The following SNAPC4 variants were observed in gnomAD, a reference collection of about 807,000 sequenced individuals.
The protein encoded by SNAPC4 is small nuclear RNA activating complex polypeptide 4.
A neutral mutation model predicts 151.3 loss-of-function variants in SNAPC4; 127 were observed. The observed-to-expected ratio is 0.84, with a 90% CI of 0.73 to 0.97. The LOEUF is 0.97. Among genes scored for constraint, SNAPC4 ranks in the 50% least tolerant of loss-of-function variants. The pLI is 0.00. For synonymous variants in SNAPC4, 1,002 were observed against 824.4 expected (o/e 1.22, Z -3.69); for missense variants, 2,186 against 1,935.0 (o/e 1.13, Z -2.43).
At chr9:136,390,164 C>T (rs1407584966) in intron 10 of SNAPC4, among the ~76,000 whole-genome samples, 2 of 152,178 alleles carry the variant, frequency 1.3e-5, no homozygotes, top group African/African-American at 4.8e-5. Context: ...CACCCTCCCA[C>T]AAAGCCAGAG....
Position 136,383,452 on chromosome 9 carries a change from C to G in SNAPC4, c.1717G>C (p.Val573Leu), listed in dbSNP as rs1247498292. Reference protein sequence around the residue: ...QYMVPDMDLWVPARQSTSQPW... With the variant: ...QYMVPDMDLWLPARQSTSQPW... ...TGGCTGGTGCTCTGCCTGGCAGGAA[C>G]CCACAGGTCCATGTCCGGGACCATG... is the stretch of plus-strand genomic sequence containing the variant. The change falls in exon 16 of 24, where the codon GTT becomes CTT. Residue 573 changes from valine (V) to leucine (L), a missense_variant. Physicochemically the swap from Val to Leu is conservative, Grantham distance 32. Coordinates refer to ENST00000684778, the MANE Select transcript of SNAPC4 (RefSeq NM_003086.4). The surrounding 1 kb of genome is among the most constrained non-coding windows in gnomAD (Gnocchi z 4.2). The G allele has an allele frequency of 6.4e-7, 1 of 1,561,944 alleles. No homozygotes were observed. The highest frequency in any genetic ancestry group is 8.7e-7 in the Non-Finnish European group (1 of 1,153,326).
intron 9 of SNAPC4, 43 bp downstream of exon 9, chr9:136,392,479 T>A (rs773948981): frequency 1.9e-6 from 3 of 1,574,170 alleles, no homozygotes; most frequent in African/African-American, 2.7e-5. Context: ...TACAGGGAGC[T>A]GTGCTCCAAG....
chr9:136,389,842 G>C (rs1017347102), intron 10 of SNAPC4, among the ~76,000 whole-genome samples: 1 of 152,224 alleles, frequency 6.6e-6, no homozygotes, highest in African/African-American at 2.4e-5. Context: ...AGTGAAGCTG[G>C]AGGGAGGCTG....
chr9:136,394,864 G>T lies in SNAPC4; in HGVS notation c.486C>A (p.Asn162Lys). 1.2e-6 allele frequency: 2 copies of T among 1,613,786 alleles called. No homozygotes were observed. Among genetic ancestry groups the T allele is most frequent in the Non-Finnish European group, 1.7e-6 (2 of 1,179,936 alleles). Residue 162 changes from asparagine to lysine, a missense_variant, in exon 6 of 24, where the codon AAC (asparagine) becomes AAA (lysine). Asn to Lys is a moderately conservative substitution (Grantham distance 94). Transcript: ENST00000684778. The part of the protein sequence containing the change: ...DKVTGVGPPA[N>K]EDTREKAAQG... ...GGGCAGCCTTCTCTCGTGTGTCCTC[G>T]TTGGCAGGTGGCCCCTGTCAGGGTG... is the stretch of plus-strand genomic sequence containing the variant.
rs534098199 is a variant in SNAPC4, at chr9:136,398,522, G to A, written c.-9-85C>T. 2.1e-4 allele frequency: 310 copies of A among 1,500,446 alleles called. 2 individuals carry two copies. The Middle Eastern group carries it at 9.0e-3, about 44-fold the overall frequency. 92.9% of individuals were successfully genotyped at this position (1,500,446 alleles called of 1,614,324 possible). On this transcript the variant is annotated intron_variant, in intron 1 of 23. Coordinates refer to ENST00000684778, the MANE Select transcript of SNAPC4 (RefSeq NM_003086.4). ...CCTTCAGACACACCCGCCCATGGGG[G>A]ATGGCAGGAGCCTGCTCGGCAGTGG...
chr9:136,378,109 G>T lies in SNAPC4; in HGVS notation c.3718C>A (p.Leu1240Met). The T allele has an allele frequency of 6.3e-7, 1 of 1,595,860 alleles. No homozygotes were observed. The highest frequency in any genetic ancestry group is 1.1e-5 in the South Asian group (1 of 89,008). Residue 1240 changes from leucine to methionine, a missense_variant, in exon 22 of 24, where the codon CTG becomes ATG. Physicochemically the swap from Leu to Met is conservative, Grantham distance 15 (BLOSUM62 2). Coordinates refer to ENST00000684778, the MANE Select transcript of SNAPC4 (RefSeq NM_003086.4). ...TCAGGCCCAGGCTGGCGCAGGGGCA[G>T]CTTCTCCAGGCCCAGAGGCCCCCTG... The part of the protein sequence containing the change: ...EPRGPLGLEK[L>M]PLRQPGPEKG...
chr9:136,392,793 G>C lies in SNAPC4; in HGVS notation c.633-16C>G, dbSNP rs1309770003. Reference sequence around the variant, plus strand: ...GTACTCGAGCCTGCAAAGCAGAGCAGAGGCAGAAGGGCTGGGGCACGAGGG... The same window carrying C: ...GTACTCGAGCCTGCAAAGCAGAGCACAGGCAGAAGGGCTGGGGCACGAGGG... On this transcript the variant is annotated splice_polypyrimidine_tract_variant and intron_variant, in intron 7 of 23. Coordinates refer to ENST00000684778, the MANE Select transcript of SNAPC4 (RefSeq NM_003086.4). The C allele has an allele frequency of 3.1e-6, 5 of 1,609,610 alleles. No individual in the cohort carries two copies. The highest frequency in any genetic ancestry group is 1.3e-5 in the African/African-American group (1 of 75,008).
rs3829113 is a variant in SNAPC4, at chr9:136,395,778, C to T, written c.178-8G>A. 13 of 1,607,490 alleles carry T rather than the reference C, an allele frequency of 8.1e-6. No homozygotes were observed. The South Asian group carries it at 1.2e-4, about 15-fold the overall frequency. On this transcript the variant is annotated splice_polypyrimidine_tract_variant and splice_region_variant and intron_variant, in intron 3 of 23. Transcript: ENST00000684778. ...GCCCCACCTTTCTTCTTCCTGGTAA[C>T]GAGCCAGAAATGGCATGTGACGAGA...
Position 136,395,288 on chromosome 9 carries a change from G to A in SNAPC4, c.471+10C>T, listed in dbSNP as rs201160221. 6.8e-5 allele frequency: 109 copies of A among 1,611,920 alleles called. No individual in the cohort carries two copies. The highest frequency in any genetic ancestry group is 1.7e-4 in the Middle Eastern group (1 of 6,054). ...GCCTTGCCGACAAGAGCAGGGCCTCGGCCACTCACCACGCCCGTGACCTTG... is the reference window on the plus strand; with the variant it reads ...GCCTTGCCGACAAGAGCAGGGCCTCAGCCACTCACCACGCCCGTGACCTTG... On this transcript the variant is annotated intron_variant, in intron 5 of 23. Coordinates refer to ENST00000684778, the MANE Select transcript of SNAPC4 (RefSeq NM_003086.4).
chr9:136,381,706 CA>C (rs34476114), intron 18 of SNAPC4, 117 bp downstream of exon 18: 1 of 1,335,280 alleles, frequency 7.5e-7, no homozygotes, highest in Non-Finnish European at 1.0e-6. Context: ...GCGCCCACCC[CA>C]AAAAGACTCC....
chr9:136,397,111 T>C, intron 2 of SNAPC4, 88 bp from the exon 3 acceptor site: 2 of 1,193,510 alleles, frequency 1.7e-6, no homozygotes, highest in South Asian at 1.2e-5. Context: ...TGGGCAGACC[T>C]GGGGTTGTGA....
rs1833452351 is a variant in SNAPC4, at chr9:136,376,501, G to A, written c.4285-20C>T. 6.2e-7 allele frequency: 1 copy of A among 1,612,542 alleles called. No homozygotes were observed. The highest frequency in any genetic ancestry group is 2.2e-5 in the East Asian group (1 of 44,866). On this transcript the variant is annotated intron_variant, in intron 22 of 23. Transcript: ENST00000684778. ...GGCTCCCTGAAAGAAAATCCAGGCA[G>A]TGGGGACAAGAGTGACACCCCCGAG...
In SNAPC4 at chr9:136,383,208, C is replaced by T. The variant is rs1564383254; in HGVS notation, c.1961G>A (p.Gly654Asp). 1 of 1,549,032 alleles carries T rather than the reference C, an allele frequency of 6.5e-7. No individual in the cohort carries two copies. Among genetic ancestry groups the T allele is most frequent in the East Asian group, 2.3e-5 (1 of 44,280 alleles). Reference protein sequence around the residue: ...ASHSADTRPAGAEKQALEGGR... With the variant: ...ASHSADTRPADAEKQALEGGR... The stretch of plus-strand genomic sequence containing the variant: ...TACCTCCAGGGCCTGCTTCTCTGCG[C>T]CCGCCGGGCGAGTGTCTGCTGAGTG... Residue 654 changes from glycine (G) to aspartate (D), a missense_variant, in exon 16 of 24, where the codon GGC (glycine) becomes GAC (aspartate). Physicochemically the swap from Gly to Asp is moderately conservative, Grantham distance 94 (BLOSUM62 -1). Coordinates refer to ENST00000684778, the MANE Select transcript of SNAPC4 (RefSeq NM_003086.4). The surrounding 1 kb of genome is among the most constrained non-coding windows in gnomAD (Gnocchi z 4.2).
chr9:136,384,895 C>A, intron 13 of SNAPC4, 81 bp from the exon 14 acceptor site: 2 of 731,888 alleles, frequency 2.7e-6, no homozygotes, highest in South Asian at 1.7e-5. Context: ...TTAATGGTTT[C>A]TTGGATATGA....
At chr9:136,377,242 C>T (rs1162060543) in intron 22 of SNAPC4, among the ~76,000 whole-genome samples, 1 of 152,188 alleles carries the variant, frequency 6.6e-6, no homozygotes, top group African/African-American at 2.4e-5. Flanking sequence ...AGCGTCCATC[C>T]CAGAGCTTCT....
In SNAPC4 at chr9:136,382,054, G is replaced by A. The variant is rs1416443580; in HGVS notation, c.2087C>T (p.Pro696Leu). 1 of 1,593,670 alleles carries A rather than the reference G, an allele frequency of 6.3e-7. No individual in the cohort carries two copies. Among genetic ancestry groups the A allele is most frequent in the Non-Finnish European group, 8.5e-7 (1 of 1,170,760 alleles). Residue 696 changes from proline to leucine, a missense_variant, in exon 18 of 24, where the codon CCA (proline) becomes CTA (leucine). Pro to Leu is a moderately conservative substitution (Grantham distance 98, BLOSUM62 -3). Transcript: ENST00000684778. ...SCTQKEQLRQ[P>L]PLPTSSPGVS... Reference sequence around the variant, plus strand: ...CCCTGGGGATGAGGTGGGCAGGGGTGGCTGCCTCAGCTGCTCTTTCTGTAA... The same window carrying A: ...CCCTGGGGATGAGGTGGGCAGGGGTAGCTGCCTCAGCTGCTCTTTCTGTAA...
In SNAPC4 at chr9:136,378,067, G is replaced by A. The variant is rs1460178579; in HGVS notation, c.3760C>T (p.Leu1254=). The A allele has an allele frequency of 1.9e-6, 3 of 1,578,738 alleles. No individual in the cohort carries two copies. In the Admixed American group the frequency reaches 5.5e-5, roughly 29 times the overall value. ...QPGPEKGALD[L]EKPPLPQPGP... ...GGCTGGGGTAGGGGCGGCTTCTCCAGGTCCAGGGCCCCCTTCTCAGGCCCA... is the reference window on the plus strand; with the variant it reads ...GGCTGGGGTAGGGGCGGCTTCTCCAAGTCCAGGGCCCCCTTCTCAGGCCCA... Residue 1254 remains leucine, a synonymous_variant, in exon 22 of 24, where the codon CTG becomes TTG. Transcript: ENST00000684778.
At chr9:136,397,075 TG>T (rs767223952) in intron 2 of SNAPC4, 52 bp from the exon 3 acceptor site, 2 of 1,519,344 alleles carry the variant, frequency 1.3e-6, no homozygotes, top group Non-Finnish European at 9.1e-7. Flanking sequence ...TTGGGCAGGG[TG>T]GGGGCGCAGC....
At chr9:136,380,880 A>G (rs1193609573) in intron 19 of SNAPC4, 30 bp from the exon 20 acceptor site, 3 of 1,364,412 alleles carry the variant, frequency 2.2e-6, no homozygotes, top group Middle Eastern at 1.8e-4. Context: ...ACCTAACCAT[A>G]GCTGCTTTCG....
Sources: allele counts gnomAD v4.1 joint callset (sites outside exome capture counted in the v4.1 genomes callset), GRCh38; gene constraint gnomAD v4.1.1; non-coding constraint Gnocchi (gnomAD v3.1); transcripts MANE v1.5; gene names NCBI Gene and HGNC (gene_info 2026-07-23, HGNC 2026-07-21).